The following TYR variants were observed in gnomAD, a reference collection of about 807,000 sequenced individuals.
The protein encoded by TYR is tyrosinase.
Under a neutral mutation model 51.5 loss-of-function variants are expected in TYR, and 58 were observed. That is an observed-to-expected ratio of 1.13 (90% CI 0.91 to 1.40). The LOEUF is 1.40. TYR is among the 40% of genes most tolerant of loss of function. TYR has a pLI of 0.00. For synonymous variants in TYR, 263 were observed against 235.2 expected (o/e 1.12, Z -1.08); for missense variants, 732 against 647.4 (o/e 1.13, Z -1.42).
At chr11:89,221,856 C>T (rs1020619375) in intron 2 of TYR, among the ~76,000 whole-genome samples, 1 of 152,144 alleles carries the variant, frequency 6.6e-6, no homozygotes, top group Non-Finnish European at 1.5e-5. Context: ...TAAATGTGCT[C>T]TATTCTTCTG....
intron 2 of TYR, among the ~76,000 whole-genome samples, chr11:89,222,125 T>TTTTGCCTTTAAAA: frequency 6.6e-6 from 1 of 152,156 alleles, no homozygotes; most frequent in African/African-American, 2.4e-5. Flanking sequence ...GGCAGAAGGA[T>TTTTGCCTTTAAAA]TTTTGGACTG....
intron 3 of TYR, among the ~76,000 whole-genome samples, chr11:89,233,056 A>T (rs1160308562): frequency 7.0e-6 from 1 of 143,740 alleles, no homozygotes; most frequent in African/African-American, 2.7e-5. Flanking sequence ...ATAGCATTTT[A>T]CCTATAGTAA....
chr11:89,232,388 C>T (rs989904288), intron 3 of TYR, among the ~76,000 whole-genome samples: 6 of 143,324 alleles, frequency 4.2e-5, no homozygotes, highest in Admixed American at 6.9e-5. Flanking sequence ...AAAATGATGT[C>T]CTTCGCAGCA....
Position 89,262,870 on chromosome 11 carries a change from AAAC to A in TYR, c.1185-21885_1185-21883del, listed in dbSNP as rs892850517. 4.6e-3 allele frequency among the ~76,000 whole-genome samples: 644 copies of A among 140,682 alleles called. 16 individuals carry two copies. The highest frequency in any genetic ancestry group is 0.011 in the Middle Eastern group (3 of 276). The allele number at this position is 140,682 out of a possible 152,430, so 92.3% of individuals were successfully genotyped here. A position where few individuals can be genotyped will look rare whatever the true frequency, so the allele number is the denominator to read the frequency against. ...TCCAAAAAAAAAAAAAAAAAAAAAA[AAAC>A]AACAACAACAACAACAAAGAAAATC... On this transcript the variant is annotated intron_variant, in intron 3 of 4. Transcript: ENST00000263321.
At chr11:89,254,826 C>T (rs1944370714) in intron 3 of TYR, among the ~76,000 whole-genome samples, 1 of 151,578 alleles carries the variant, frequency 6.6e-6, no homozygotes, top group Middle Eastern at 3.4e-3. Context: ...TTCATTTAGT[C>T]CTGCTGTGAT....
rs1254655754 is a variant in TYR at position 89,241,257 on chromosome 11, T to TA, written c.1184+13287_1184+13288insA. ...TTTTCATATGTTACTTCTACAGATG[T>TA]GACCTGCCTCAGGAAGAAATGTCTG... On this transcript the variant is annotated intron_variant, in intron 3 of 4. Coordinates refer to ENST00000263321, the MANE Select transcript of TYR (RefSeq NM_000372.5). 7.9e-5 allele frequency among the ~76,000 whole-genome samples: 12 copies of TA among 152,304 alleles called. No homozygotes were observed. In the East Asian group the frequency reaches 9.7e-4, roughly 12 times the overall value.
At chr11:89,201,058 G>T (rs1355147411) in intron 2 of TYR, among the ~76,000 whole-genome samples, 1 of 152,020 alleles carries the variant, frequency 6.6e-6, no homozygotes, top group Non-Finnish European at 1.5e-5. Flanking sequence ...TCTTCCAAAT[G>T]TTAAAATATC....
chr11:89,251,250 AT>A (rs1422994103), intron 3 of TYR, among the ~76,000 whole-genome samples: 1 of 151,972 alleles, frequency 6.6e-6, no homozygotes, highest in Admixed American at 6.6e-5. Flanking sequence ...AAGAAATGCT[AT>A]TTTGAAAAGC....
intron 3 of TYR, among the ~76,000 whole-genome samples, chr11:89,228,906 T>C (rs1158240476): frequency 6.6e-6 from 1 of 151,856 alleles, no homozygotes; most frequent in Non-Finnish European, 1.5e-5. Context: ...AAGCATCAAA[T>C]CATGACTGAC....
intron 3 of TYR, among the ~76,000 whole-genome samples, chr11:89,240,363 G>A (rs1944176095): frequency 6.6e-6 from 1 of 152,048 alleles, no homozygotes; most frequent in South Asian, 2.1e-4. Flanking sequence ...AAAAAGTGGA[G>A]AAAGAAACAA....
chr11:89,227,740 T>A (rs1036750194), intron 2 of TYR, 83 bp from the exon 3 acceptor site: 1 of 1,192,870 alleles, frequency 8.4e-7, no homozygotes, highest in Non-Finnish European at 1.2e-6. Flanking sequence ...CTTCAAGTTA[T>A]AGTTATAAAT....
chr11:89,249,132 T>C (rs1471907951), intron 3 of TYR, among the ~76,000 whole-genome samples: 1 of 152,038 alleles, frequency 6.6e-6, no homozygotes. Context: ...GGCTGCCAAG[T>C]AGTCAGTTGA....
intron 3 of TYR, among the ~76,000 whole-genome samples, chr11:89,242,960 A>G (rs1438443768): frequency 4.6e-5 from 7 of 152,194 alleles, no homozygotes; most frequent in Non-Finnish European, 8.8e-5. Flanking sequence ...CCTCTGCTCT[A>G]TATAATGGAT....
chr11:89,290,958 G>A (rs1348964886), intron 4 of TYR, among the ~76,000 whole-genome samples: 7 of 151,870 alleles, frequency 4.6e-5, no homozygotes, highest in East Asian at 3.9e-4. Flanking sequence ...TATTCAGTAC[G>A]GACTTCCTCA....
chr11:89,199,978 T>G (rs551046379), intron 2 of TYR, among the ~76,000 whole-genome samples: 13 of 152,324 alleles, frequency 8.5e-5, no homozygotes, highest in Non-Finnish European at 1.9e-4. Flanking sequence ...ATATAGACAT[T>G]TCACTTCCTT....
intron 2 of TYR, among the ~76,000 whole-genome samples, chr11:89,213,652 G>C (rs1943792481): frequency 6.6e-6 from 1 of 152,046 alleles, no homozygotes; most frequent in South Asian, 2.1e-4. Context: ...AAGCAAAAAA[G>C]ATCAAAGCTG....
chr11:89,205,465 T>G (rs573350917), intron 2 of TYR, among the ~76,000 whole-genome samples: 1 of 152,108 alleles, frequency 6.6e-6, no homozygotes, highest in Non-Finnish European at 1.5e-5. Context: ...ACTATTAAAC[T>G]TCTAAAAACT....
chr11:89,227,850 C>A lies in TYR; in HGVS notation c.1064C>A (p.Ala355Glu), dbSNP rs151206295. 5.0e-6 allele frequency: 8 copies of A among 1,612,780 alleles called. No homozygotes were observed. The highest frequency in any genetic ancestry group is 6.8e-6 in the Non-Finnish European group (8 of 1,179,574). Residue 355 changes from alanine to glutamate, a missense_variant, in exon 3 of 5, where the codon GCG becomes GAG. Physicochemically the swap from Ala to Glu is moderately radical, Grantham distance 107 (BLOSUM62 -1). Coordinates refer to ENST00000263321, the MANE Select transcript of TYR (RefSeq NM_000372.5). ...TTTGCTAGTCCACTTACTGGGATAGCGGATGCCTCTCAAAGCAGCATGCAC... is the reference window on the plus strand; with the variant it reads ...TTTGCTAGTCCACTTACTGGGATAGAGGATGCCTCTCAAAGCAGCATGCAC... The part of the protein sequence containing the change: ...EGFASPLTGI[A>E]DASQSSMHNA...
chr11:89,254,458 T>C (rs1944365052), intron 3 of TYR, among the ~76,000 whole-genome samples: 1 of 151,642 alleles, frequency 6.6e-6, no homozygotes, highest in Admixed American at 6.6e-5. Flanking sequence ...TCCAGGACCT[T>C]TTTTGTTGTT....
Sources: allele counts gnomAD v4.1 joint callset (sites outside exome capture counted in the v4.1 genomes callset), GRCh38; gene constraint gnomAD v4.1.1; transcripts MANE v1.5; gene names NCBI Gene and HGNC (gene_info 2026-07-23, HGNC 2026-07-21).